RBFOX1: variants seen among roughly 807,000 people sequenced by gnomAD.
RBFOX1 encodes the protein RNA binding protein fox-1 homolog 1.
Under a neutral mutation model 57.7 loss-of-function variants are expected in RBFOX1, and 8 were observed. That is an observed-to-expected ratio of 0.14 (90% CI 0.08 to 0.25). The LOEUF is 0.25. RBFOX1 is among the 10% of genes least tolerant of loss of function. The pLI is 1.00. For synonymous variants in RBFOX1, 326 were observed against 222.4 expected, an observed-to-expected ratio of 1.47 and a Z score of -4.15; for missense variants, 611 against 548.5, an observed-to-expected ratio of 1.11 and a Z score of -1.14.
intron 4 of RBFOX1, among the ~76,000 whole-genome samples, chr16:7,132,482 A>G (rs2070761524): frequency 8.0e-6 from 1 of 124,880 alleles, no homozygotes; most frequent in Admixed American, 8.3e-5. Flanking sequence ...ACACACACAC[A>G]GTCACTTTAT....
chr16:6,810,541 T>G (rs976472403), intron 3 of RBFOX1, among the ~76,000 whole-genome samples: 3 of 152,170 alleles, frequency 2.0e-5, no homozygotes, highest in Admixed American at 6.6e-5. Context: ...CCTCTTTTTT[T>G]TTCCTTAAGT....
intron 3 of RBFOX1, among the ~76,000 whole-genome samples, chr16:6,809,993 G>T (rs981944300): frequency 6.6e-6 from 1 of 150,582 alleles, no homozygotes; most frequent in South Asian, 2.1e-4. Flanking sequence ...TGTTCTCCTG[G>T]GTGTCTCTCT....
chr16:6,098,397 C>G lies in RBFOX1; in HGVS notation c.-127+78405C>G, dbSNP rs1053568119. ...CAAGCCTGTTAAGCCTCTTCCTGTC[C>G]TCTCTATCAATGCCCACTTGCACTG... is the stretch of plus-strand genomic sequence containing the variant. On this transcript the variant is annotated intron_variant, in intron 1 of 15. Transcript: ENST00000550418. Among the ~76,000 whole-genome samples, 8 of 152,228 alleles carry G rather than the reference C, an allele frequency of 5.3e-5. No individual in the cohort carries two copies. The East Asian group carries it at 1.5e-3, about 29-fold the overall frequency.
chr16:6,969,361 A>G (rs1483054023), intron 3 of RBFOX1, among the ~76,000 whole-genome samples: 5 of 152,156 alleles, frequency 3.3e-5, no homozygotes, highest in Non-Finnish European at 5.9e-5. Flanking sequence ...CAGTGATTCC[A>G]TATTTAACTT....
chr16:5,936,878 G>C (rs1482741244), intron 4 of RBFOX1, among the ~76,000 whole-genome samples: 1 of 152,194 alleles, frequency 6.6e-6, no homozygotes, highest in Non-Finnish European at 1.5e-5. Flanking sequence ...ATCTCACAGA[G>C]GGCTTTGGGA....
chr16:7,149,373 A>G (rs1415552581), intron 4 of RBFOX1, among the ~76,000 whole-genome samples: 3 of 151,806 alleles, frequency 2.0e-5, no homozygotes, highest in South Asian at 4.2e-4. Flanking sequence ...AAGTACATCC[A>G]TTGATCCCCC....
At chr16:6,292,833 T>C (rs1360074179) in intron 1 of RBFOX1, among the ~76,000 whole-genome samples, 5 of 152,212 alleles carry the variant, frequency 3.3e-5, no homozygotes, top group South Asian at 4.1e-4. Flanking sequence ...GGGAGCTACA[T>C]TTCTGAGCAC....
intron 2 of RBFOX1, among the ~76,000 whole-genome samples, chr16:6,472,469 G>T (rs760487419): frequency 2.2e-4 from 34 of 152,104 alleles, no homozygotes; most frequent in Non-Finnish European, 4.0e-4. Context: ...CATTGCTATT[G>T]GGGGTCTTGT....
chr16:6,557,101 AC>A (rs1457309453), intron 2 of RBFOX1, among the ~76,000 whole-genome samples: 3 of 145,840 alleles, frequency 2.1e-5, no homozygotes, highest in African/African-American at 7.7e-5. Flanking sequence ...ATACATATAT[AC>A]ATACATATAT....
chr16:7,671,866 G>A (rs943763520), intron 13 of RBFOX1, among the ~76,000 whole-genome samples: 1 of 152,196 alleles, frequency 6.6e-6, no homozygotes, highest in Non-Finnish European at 1.5e-5. Flanking sequence ...GCTGGCCTCA[G>A]CCATGAGCTT....
At chr16:7,356,890 A>T (rs2097223720) in intron 4 of RBFOX1, among the ~76,000 whole-genome samples, 2 of 152,198 alleles carry the variant, frequency 1.3e-5, no homozygotes, top group South Asian at 4.1e-4. Flanking sequence ...TAACCAAAGC[A>T]TGGCAAGAAC....
intron 4 of RBFOX1, among the ~76,000 whole-genome samples, chr16:7,160,832 C>CTCCCTCT (rs2078172773): frequency 7.1e-6 from 1 of 140,462 alleles, no homozygotes; most frequent in African/African-American, 3.0e-5. Context: ...CTCCTCCCTC[C>CTCCCTCT]TCCTTCCTCC....
intron 3 of RBFOX1, among the ~76,000 whole-genome samples, chr16:6,950,637 C>T (rs1269846275): frequency 6.6e-6 from 1 of 152,018 alleles, no homozygotes; most frequent in African/African-American, 2.4e-5. Flanking sequence ...TGTAGAAGCT[C>T]TAAATCTCTC....
At chr16:7,215,536 T>C (rs1043323415) in intron 4 of RBFOX1, among the ~76,000 whole-genome samples, 2 of 152,140 alleles carry the variant, frequency 1.3e-5, no homozygotes, top group African/African-American at 4.8e-5. Context: ...AATTCACCCA[T>C]TTTAAGTGTA....
rs544405906 is a variant in RBFOX1, at chr16:5,994,775, A to C, written c.351+127440A>C. Among the ~76,000 whole-genome samples, 49 of 152,316 alleles carry C rather than the reference A, an allele frequency of 3.2e-4. No individual in the cohort carries two copies. The South Asian group carries it at 4.1e-3, about 13-fold the overall frequency. ...AGTTTGATGAGCCCTACTCCACACCACAAATTCCTCCTGGGCAAGTCTCTT... is the reference window on the plus strand; with the variant it reads ...AGTTTGATGAGCCCTACTCCACACCCCAAATTCCTCCTGGGCAAGTCTCTT... On this transcript the variant is annotated intron_variant, in intron 4 of 19. Transcript: ENST00000641259.
At chr16:6,827,220 C>G (rs964498106) in intron 3 of RBFOX1, among the ~76,000 whole-genome samples, 2 of 150,338 alleles carry the variant, frequency 1.3e-5, no homozygotes, top group Non-Finnish European at 3.0e-5. Context: ...TTTTCTTCAA[C>G]TACTTTAATC....
At chr16:7,614,046 A>C (rs1001316500) in intron 10 of RBFOX1, among the ~76,000 whole-genome samples, 2 of 152,170 alleles carry the variant, frequency 1.3e-5, no homozygotes, top group Non-Finnish European at 2.9e-5. Flanking sequence ...GCAAATATTC[A>C]GGTGCCCCTC....
At position 7,329,088 on chromosome 16, in the gene RBFOX1, G is replaced by A. The variant is rs186085100; in HGVS notation, c.28-189059G>A. The stretch of plus-strand genomic sequence containing the variant: ...GTATTGTCAACGGATGCTTTTTCAC[G>A]CTACAACAGCAGAATTTTGAGCAGT... On this transcript the variant is annotated intron_variant, in intron 4 of 15. Transcript: ENST00000550418. Among the ~76,000 whole-genome samples the A allele has an allele frequency of 2.8e-4, 42 of 152,236 alleles. No homozygotes were observed. In the East Asian group the frequency reaches 3.5e-3, roughly 13 times the overall value.
At chr16:6,910,822 G>C (rs2071381230) in intron 3 of RBFOX1, among the ~76,000 whole-genome samples, 1 of 152,150 alleles carries the variant, frequency 6.6e-6, no homozygotes, top group South Asian at 2.1e-4. Context: ...CAGTTGACTG[G>C]TATATCTAAG....
Sources: gnomAD v4.1 joint callset for allele counts (sites outside exome capture counted in the v4.1 genomes callset) on GRCh38, gnomAD v4.1.1 for gene constraint, MANE v1.5 for transcripts, NCBI Gene and HGNC (gene_info 2026-07-23, HGNC 2026-07-21) for gene names.